RASGRF1: variants seen among roughly 807,000 people sequenced by gnomAD.
The protein encoded by RASGRF1 is ras-specific guanine nucleotide-releasing factor 1.
RASGRF1 carries 40 observed loss-of-function variants against 138.7 expected under a neutral mutation model. That is an observed-to-expected ratio of 0.29 (90% confidence interval 0.22 to 0.38). The LOEUF is 0.38. RASGRF1 is among the 10% of genes least tolerant of loss of function. The probability of loss-of-function intolerance (pLI) is 1.00; values close to 1 mark genes in which losing one functional copy is unlikely to be tolerated. For missense variants in RASGRF1, 1,108 were observed against 1,650.4 expected (o/e 0.67, Z 5.69); for synonymous variants, 614 against 663.2 (o/e 0.93, Z 1.14).
Position 79,006,442 on chromosome 15 carries a change from G to T in RASGRF1, c.1827-8C>A. The T allele has an allele frequency of 6.2e-7, 1 of 1,607,868 alleles. No homozygotes were observed. Among genetic ancestry groups the T allele is most frequent in the South Asian group, 1.1e-5 (1 of 90,954 alleles). ...TATAAGGAGGCGTCGGACCTGAGAG[G>T]GGAGGAAGGATGCAGAGGTGATGTG... On this transcript the variant is annotated splice_region_variant and splice_polypyrimidine_tract_variant and intron_variant, in intron 13 of 26. Coordinates refer to ENST00000558480, the MANE Select transcript of RASGRF1 (RefSeq NM_001145648.3). The surrounding 1 kb of genome is among the most constrained non-coding windows in gnomAD (Gnocchi z 4.0).
chr15:78,968,024 C>T (rs576375895), intron 26 of RASGRF1, among the ~76,000 whole-genome samples: 259 of 152,040 alleles, frequency 1.7e-3, no homozygotes, highest in Middle Eastern at 0.014. Flanking sequence ...CAGATCTAAC[C>T]GACATTCACA....
chr15:78,999,983 G>C, intron 16 of RASGRF1, 70 bp from the exon 17 acceptor site: 1 of 1,534,022 alleles, frequency 6.5e-7, no homozygotes, highest in Non-Finnish European at 9.0e-7. Context: ...GAAAACCAGG[G>C]GTCCCGAGGC....
intron 23 of RASGRF1, among the ~76,000 whole-genome samples, chr15:78,981,913 T>TG (rs2056041691): frequency 6.6e-6 from 1 of 152,210 alleles, no homozygotes; most frequent in Non-Finnish European, 1.5e-5. Context: ...TTCCAGAGTC[T>TG]CAGCTTCCCT....
intron 1 of RASGRF1, among the ~76,000 whole-genome samples, chr15:79,078,610 G>A (rs2057872136): frequency 6.6e-6 from 1 of 152,028 alleles, no homozygotes; most frequent in South Asian, 2.1e-4. Context: ...CATCCACCCT[G>A]ACTACTCATA....
chr15:79,051,892 T>C (rs2057436455), intron 3 of RASGRF1, among the ~76,000 whole-genome samples: 1 of 152,160 alleles, frequency 6.6e-6, no homozygotes, highest in Admixed American at 6.5e-5. Context: ...AATATCGGGA[T>C]GGTGGTGGGA....
chr15:79,001,342 A>C (rs2056519508), intron 16 of RASGRF1, among the ~76,000 whole-genome samples: 1 of 151,896 alleles, frequency 6.6e-6, no homozygotes. Flanking sequence ...ATCTTCCACG[A>C]ATGAGCCCTA....
At chr15:78,981,317 C>T (rs2056023948) in intron 23 of RASGRF1, 1 of 152,282 alleles carries the variant, frequency 6.6e-6, no homozygotes, top group Admixed American at 6.5e-5. Context: ...TTGTCTGACC[C>T]ATGGAGCACC....
At chr15:78,972,977 TGTG>T in intron 25 of RASGRF1, among the ~76,000 whole-genome samples, 1 of 152,166 alleles carries the variant, frequency 6.6e-6, no homozygotes, top group East Asian at 1.9e-4. Context: ...GCCCTTTACT[TGTG>T]GGGTGACCTT....
At chr15:79,019,738 C>G (rs1223998995) in intron 11 of RASGRF1, among the ~76,000 whole-genome samples, 1 of 152,200 alleles carries the variant, frequency 6.6e-6, no homozygotes, top group Non-Finnish European at 1.5e-5. Flanking sequence ...GTCCAGCAGC[C>G]CAGGGAGCTT....
intron 22 of RASGRF1, among the ~76,000 whole-genome samples, chr15:78,986,966 T>TAA (rs756186908): frequency 1.3e-5 from 2 of 152,218 alleles, no homozygotes; most frequent in African/African-American, 4.8e-5. Context: ...GAATTTTATA[T>TAA]AAAAGTTATA....
At chr15:79,000,080 G>T (rs1354914518) in intron 16 of RASGRF1, among the ~76,000 whole-genome samples, 167 bp from the exon 17 acceptor site, 1 of 152,126 alleles carries the variant, frequency 6.6e-6, no homozygotes, top group Non-Finnish European at 1.5e-5. Context: ...GTCTCTCTCT[G>T]TGTTAGAAGC....
At chr15:79,053,676 C>T (rs941187673) in intron 3 of RASGRF1, among the ~76,000 whole-genome samples, 2 of 152,164 alleles carry the variant, frequency 1.3e-5, no homozygotes, top group South Asian at 2.1e-4. Context: ...TAAAGTTACA[C>T]GTGTGTCGGC....
chr15:78,964,681 G>A (rs1277428887), intron 26 of RASGRF1, among the ~76,000 whole-genome samples: 1 of 152,120 alleles, frequency 6.6e-6, no homozygotes, highest in Non-Finnish European at 1.5e-5. Context: ...CTCAAATACT[G>A]CTGAGTTATG....
intron 23 of RASGRF1, among the ~76,000 whole-genome samples, chr15:78,983,119 G>A (rs75790538): frequency 0.04 from 6,131 of 152,280 alleles, 197 homozygotes; most frequent in African/African-American, 0.075. Flanking sequence ...CAGTGTCCAT[G>A]GGACGCCTGT....
intron 20 of RASGRF1, among the ~76,000 whole-genome samples, chr15:78,994,213 AGTCTGGAGGAAGTAGG>A (rs2141670573): frequency 6.6e-6 from 1 of 152,348 alleles, no homozygotes; most frequent in South Asian, 2.1e-4. Flanking sequence ...CCAAAGGGTC[AGTCTGGAGGAAGTAGG>A]GTCTGGGGAC....
At position 79,032,113 on chromosome 15, in the gene RASGRF1, C is replaced by A. The variant is rs1323446341; in HGVS notation, c.1152+10G>T. 1.2e-6 allele frequency: 2 copies of A among 1,611,924 alleles called. No individual in the cohort carries two copies. The highest frequency in any genetic ancestry group is 1.1e-5 in the South Asian group (1 of 90,696). On this transcript the variant is annotated intron_variant, in intron 7 of 26. Coordinates refer to ENST00000558480, the MANE Select transcript of RASGRF1 (RefSeq NM_001145648.3). This position sits in a 1 kb window ranked among gnomAD's most constrained non-coding sequence, Gnocchi z 4.5. ...TGACTCTACCCCACCCAGGCAGGGCCGGACGCCACCTGGAACATGGGGTAG... is the reference window on the plus strand; with the variant it reads ...TGACTCTACCCCACCCAGGCAGGGCAGGACGCCACCTGGAACATGGGGTAG...
intron 20 of RASGRF1, 75 bp from the exon 21 acceptor site, chr15:78,991,869 GT>G (rs2056275566): frequency 1.6e-6 from 2 of 1,227,104 alleles, no homozygotes; most frequent in Non-Finnish European, 2.4e-6. Flanking sequence ...AGCTGCCTCT[GT>G]GGGGGTATCT....
At chr15:79,026,644 C>G (rs1273906977) in intron 9 of RASGRF1, among the ~76,000 whole-genome samples, 2 of 152,182 alleles carry the variant, frequency 1.3e-5, no homozygotes, top group East Asian at 1.9e-4. Flanking sequence ...CCAGGTCCAG[C>G]CCGGCTGGAG....
chr15:79,016,791 G>A (rs1003708333), intron 12 of RASGRF1, among the ~76,000 whole-genome samples: 3 of 152,192 alleles, frequency 2.0e-5, no homozygotes, highest in African/African-American at 4.8e-5. Context: ...GGGGAGCCTG[G>A]AAGGGGCACA....
Sources: allele counts gnomAD v4.1 joint callset (sites outside exome capture counted in the v4.1 genomes callset), GRCh38; gene constraint gnomAD v4.1.1; non-coding constraint Gnocchi (gnomAD v3.1); transcripts MANE v1.5; gene names NCBI Gene and HGNC (gene_info 2026-07-23, HGNC 2026-07-21).